MYO5A: variants seen among roughly 807,000 people sequenced by gnomAD.
MYO5A encodes unconventional myosin-Va.
A neutral mutation model predicts 249.7 loss-of-function variants in MYO5A; 98 were observed. That is an observed-to-expected ratio of 0.39 (90% CI 0.33 to 0.46). MYO5A has a LOEUF of 0.46. MYO5A is among the 20% of genes least tolerant of loss of function. The pLI, the probability that MYO5A is intolerant of heterozygous loss-of-function variation, is 0.98. For synonymous variants in MYO5A, 778 were observed against 810.6 expected (o/e 0.96, Z 0.68); for missense variants, 1,696 against 2,308.8 (o/e 0.73, Z 5.44).
rs918120454 is a variant in MYO5A at position 52,312,037 on chromosome 15, G to C, written c.*1659C>G. The C allele has an allele frequency of 5.9e-5, 9 of 152,484 alleles. No homozygotes were observed. The highest frequency in any genetic ancestry group is 8.8e-5 in the Non-Finnish European group (6 of 68,022). 9.4% of individuals were successfully genotyped at this position (152,484 alleles called of 1,614,324 possible). ...CTAATAATTTGCTTTTGTGCAACCT[G>C]AAGGATTTATTGTATAAGATTCCTA... On this transcript the variant is annotated 3_prime_UTR_variant, in exon 42 of 42. Transcript: ENST00000399233.
chr15:52,463,423 CTAAAA>C (rs2076292597), intron 1 of MYO5A, among the ~76,000 whole-genome samples: 1 of 152,120 alleles, frequency 6.6e-6, no homozygotes. Flanking sequence ...ACATATAAAA[CTAAAA>C]TGTTTAAATA....
At chr15:52,422,220 C>T (rs1277983610) in intron 4 of MYO5A, among the ~76,000 whole-genome samples, 3 of 152,160 alleles carry the variant, frequency 2.0e-5, no homozygotes, top group African/African-American at 7.2e-5. Context: ...CTCTAAGGAG[C>T]ATGTTTAAAA....
chr15:52,346,133 GC>G (rs2141005243), intron 30 of MYO5A, among the ~76,000 whole-genome samples: 1 of 152,206 alleles, frequency 6.6e-6, no homozygotes, highest in South Asian at 2.1e-4. Context: ...TTAAAATCTT[GC>G]TTTGATTTAA....
chr15:52,345,730 C>T (rs902160397), intron 30 of MYO5A, among the ~76,000 whole-genome samples: 1 of 152,174 alleles, frequency 6.6e-6, no homozygotes, highest in African/African-American at 2.4e-5. Flanking sequence ...GCTGACTGCA[C>T]CTTTCTTTTT....
rs775503661 is a variant in MYO5A at position 52,405,327 on chromosome 15, A to G, written c.1013T>C (p.Val338Ala). ...GTCTGCATCTCGGGATGTAAATCCA[A>G]CATTGCCTAAGTGAAGGATGCCAGC... The part of the protein sequence containing the change: ...ILAGILHLGN[V>A]GFTSRDADSC... Residue 338 changes from valine (V) to alanine (A), a missense_variant, in exon 9 of 42, where the codon GTT (valine) becomes GCT (alanine). By Grantham distance (64) the Val-to-Ala change is moderately conservative. Coordinates refer to ENST00000399233, the MANE Select transcript of MYO5A (RefSeq NM_001382347.1). 5 of 1,613,850 alleles carry G rather than the reference A, an allele frequency of 3.1e-6. No individual in the cohort carries two copies. The highest frequency in any genetic ancestry group is 4.2e-6 in the Non-Finnish European group (5 of 1,179,858).
chr15:52,471,052 G>C (rs926247510), intron 1 of MYO5A, among the ~76,000 whole-genome samples: 16 of 151,450 alleles, frequency 1.1e-4, no homozygotes, highest in East Asian at 1.9e-4. Flanking sequence ...AAAGGAAAAA[G>C]AGTTCTTGTT....
intron 6 of MYO5A, among the ~76,000 whole-genome samples, chr15:52,409,933 G>T (rs1724626): frequency 6.6e-6 from 1 of 151,788 alleles, no homozygotes; most frequent in African/African-American, 2.4e-5. Flanking sequence ...TATTCTGAAA[G>T]AGGAGAAGAA....
At chr15:52,499,873 G>A (rs187063749) in intron 1 of MYO5A, among the ~76,000 whole-genome samples, 8 of 152,142 alleles carry the variant, frequency 5.3e-5, no homozygotes, top group Admixed American at 1.3e-4. Flanking sequence ...TGGATCATAT[G>A]GTAATTATCA....
At chr15:52,512,425 C>A (rs1411024723) in intron 1 of MYO5A, among the ~76,000 whole-genome samples, 1 of 151,720 alleles carries the variant, frequency 6.6e-6, no homozygotes, top group Non-Finnish European at 1.5e-5. Context: ...ATGAAAAAAA[C>A]ACACTGTAGA....
chr15:52,315,542 T>G (rs1463434040), intron 40 of MYO5A, among the ~76,000 whole-genome samples: 1 of 151,780 alleles, frequency 6.6e-6, no homozygotes, highest in South Asian at 2.1e-4. Flanking sequence ...GCCTGGCTAA[T>G]TTTTGTATTT....
Position 52,372,363 on chromosome 15 carries a change from T to C in MYO5A, c.2578A>G (p.Ile860Val), listed in dbSNP as rs1202726331. ...GFLARNRYRK[I>V]LREHKAVIIQ... ...ATGACTGCTTTGTGCTCACGGAGTA[T>C]CTGCAGAAAAGGATAAGGGCAAGCA... Residue 860 changes from isoleucine (I) to valine (V), a missense_variant and splice_region_variant, in exon 21 of 42, where the codon ATA becomes GTA. Physicochemically the swap from Ile to Val is conservative, Grantham distance 29. This residue lies in a region of MYO5A where 412 missense variants were observed against 453.3 expected (regional missense o/e 0.91). Coordinates refer to ENST00000399233, the MANE Select transcript of MYO5A (RefSeq NM_001382347.1). The C allele has an allele frequency of 6.2e-7, 1 of 1,600,990 alleles. No individual in the cohort carries two copies. Among genetic ancestry groups the C allele is most frequent in the South Asian group, 1.1e-5 (1 of 91,030 alleles).
rs373876678 is a variant in MYO5A at position 52,330,402 on chromosome 15, C to T, written c.4506G>A (p.Leu1502=). ...PRKEKDFQGM[L]EYKKEDEQKL... Reference sequence around the variant, plus strand: ...TTTGCTCATCCTCCTTCTTGTATTCCAGCATCCCTTGGAAATCCTTTTCTT... The same window carrying T: ...TTTGCTCATCCTCCTTCTTGTATTCTAGCATCCCTTGGAAATCCTTTTCTT... The change falls in exon 35 of 42, where the codon CTG becomes CTA. Residue 1502 remains leucine, a synonymous_variant. Transcript: ENST00000399233. 499 of 1,614,108 alleles carry T rather than the reference C, an allele frequency of 3.1e-4. 2 individuals are homozygous for T. The African/African-American group carries it at 6.0e-3, about 20-fold the overall frequency.
Position 52,410,488 on chromosome 15 carries a change from G to A in MYO5A, c.613-12C>T, listed in dbSNP as rs887915353. 1 of 1,608,626 alleles carries A rather than the reference G, an allele frequency of 6.2e-7. No homozygotes were observed. The highest frequency in any genetic ancestry group is 1.3e-5 in the African/African-American group (1 of 74,760). On this transcript the variant is annotated splice_polypyrimidine_tract_variant and intron_variant, in intron 5 of 41. Transcript: ENST00000399233. Reference sequence around the variant, plus strand: ...GCATTTCCAATGGACTAAAAAGCAAGGGAGAAAATAAGATTTTAGAAGTGT... The same window carrying A: ...GCATTTCCAATGGACTAAAAAGCAAAGGAGAAAATAAGATTTTAGAAGTGT...
intron 1 of MYO5A, among the ~76,000 whole-genome samples, chr15:52,520,319 G>A (rs2077590785): frequency 6.6e-6 from 1 of 152,116 alleles, no homozygotes; most frequent in Non-Finnish European, 1.5e-5. Context: ...TCTGGGGTGA[G>A]CACAGACTTG....
chr15:52,395,631 AT>A (rs1337375902), intron 11 of MYO5A, among the ~76,000 whole-genome samples: 1 of 152,104 alleles, frequency 6.6e-6, no homozygotes, highest in Non-Finnish European at 1.5e-5. Flanking sequence ...TATTATCTCC[AT>A]TTTACAGATG....
At chr15:52,458,583 G>C (rs2076167541) in intron 1 of MYO5A, among the ~76,000 whole-genome samples, 1 of 151,528 alleles carries the variant, frequency 6.6e-6, no homozygotes, top group African/African-American at 2.4e-5. Context: ...TTGCACCATT[G>C]CACTCCAGCC....
At chr15:52,526,458 T>C (rs2077732313) in intron 1 of MYO5A, among the ~76,000 whole-genome samples, 1 of 152,090 alleles carries the variant, frequency 6.6e-6, no homozygotes, top group Non-Finnish European at 1.5e-5. Context: ...GCCTTCCAGG[T>C]TCAAGTGATT....
rs765434171 is a variant in MYO5A, at chr15:52,370,261, T to C, written c.2974A>G (p.Ile992Val). ...TCCAGGTCTTTCCGGAGCTTGGCAATTTCTTCCTGCAGACTAAGGACCCGC... is the reference window on the plus strand; with the variant it reads ...TCCAGGTCTTTCCGGAGCTTGGCAACTTCTTCCTGCAGACTAAGGACCCGC... ...TGRVLSLQEE[I>V]AKLRKDLEQT... Residue 992 changes from isoleucine to valine, a missense_variant, in exon 22 of 42, where the codon ATT becomes GTT. Coordinates refer to ENST00000399233, the MANE Select transcript of MYO5A (RefSeq NM_001382347.1). The C allele has an allele frequency of 5.0e-6, 8 of 1,614,026 alleles. No individual in the cohort carries two copies. In the African/African-American group the frequency reaches 5.3e-5, roughly 11 times the overall value.
chr15:52,316,496 G>C (rs2038023871), intron 40 of MYO5A, among the ~76,000 whole-genome samples: 2 of 152,158 alleles, frequency 1.3e-5, no homozygotes, highest in South Asian at 4.1e-4. Flanking sequence ...GGTAGAGTCA[G>C]TTGGATACGA....
Sources: gnomAD v4.1 joint callset for allele counts (sites outside exome capture counted in the v4.1 genomes callset) on GRCh38, gnomAD v4.1.1 for gene constraint, gnomAD v4.1.1 regional missense constraint, MANE v1.5 for transcripts, NCBI Gene and HGNC (gene_info 2026-07-23, HGNC 2026-07-21) for gene names.